Variants in SCMH1 observed in about 807,000 individuals in gnomAD.
The protein encoded by SCMH1 is Scm polycomb group protein homolog 1, also known as polycomb protein SCMH1.
A neutral mutation model predicts 70.8 loss-of-function variants in SCMH1; 37 were observed. The observed-to-expected ratio is 0.52, with a 90% CI of 0.40 to 0.69. The LOEUF is 0.69. Ranked by LOEUF, SCMH1 falls within the 30% of genes least tolerant of loss-of-function variation. SCMH1 has a pLI of 0.00. For synonymous variants in SCMH1, 292 were observed against 307.4 expected, an observed-to-expected ratio of 0.95 and a Z score of 0.52; for missense variants, 607 against 827.3, an observed-to-expected ratio of 0.73 and a Z score of 3.27.
In SCMH1 at chr1:41,193,353, A is replaced by T. The variant is rs543954765; in HGVS notation, c.-117-7103T>A. On this transcript the variant is annotated intron_variant, in intron 1 of 14. Coordinates refer to ENST00000337495, the Ensembl canonical transcript of SCMH1. ...TAAGCCTAGTAGTAACATGTTAAAG[A>T]CACAAAGACAAATAAGTGTAAGTCC... Among the ~76,000 whole-genome samples, 259 of 152,332 alleles carry T rather than the reference A, an allele frequency of 1.7e-3. 1 individual carries two copies. The highest frequency in any genetic ancestry group is 2.6e-3 in the Non-Finnish European group (175 of 68,016).
chr1:41,162,351 G>A (rs551096260), intron 2 of SCMH1, among the ~76,000 whole-genome samples: 8 of 152,270 alleles, frequency 5.3e-5, no homozygotes, highest in East Asian at 1.9e-4. Context: ...AGAAAAGGGC[G>A]GATCCCTGGT....
In SCMH1 at chr1:41,163,640, G is replaced by A. The variant is rs550028285; in HGVS notation, c.14-2208C>T. 5.5e-3 allele frequency among the ~76,000 whole-genome samples: 838 copies of A among 152,330 alleles called. 2 individuals are homozygous for A. The highest frequency in any genetic ancestry group is 0.01 in the Middle Eastern group (3 of 294). Reference sequence around the variant, plus strand: ...AAATATCATGTAATCAACAGAGGGAGAAGCCTCAGAAGCTAAGGAGTGAGG... The same window carrying A: ...AAATATCATGTAATCAACAGAGGGAAAAGCCTCAGAAGCTAAGGAGTGAGG... On this transcript the variant is annotated intron_variant, in intron 2 of 14. Coordinates refer to ENST00000337495, the Ensembl canonical transcript of SCMH1.
intron 1 of SCMH1, among the ~76,000 whole-genome samples, 155 bp from the exon 2 acceptor site, chr1:41,186,405 A>T (rs1221538134): frequency 6.6e-6 from 1 of 152,258 alleles, no homozygotes; most frequent in Non-Finnish European, 1.5e-5. Flanking sequence ...GTTGCAAAGT[A>T]CCTTACAGCA....
At chr1:41,083,579 T>C (rs1466481597) in intron 8 of SCMH1, among the ~76,000 whole-genome samples, 4 of 152,136 alleles carry the variant, frequency 2.6e-5, no homozygotes, top group East Asian at 1.9e-4. Flanking sequence ...CAATGCCATC[T>C]CCAACAAGCT....
At chr1:41,142,831 C>G (rs1401498359) in intron 6 of SCMH1, 47 bp downstream of exon 6, 1 of 1,510,400 alleles carries the variant, frequency 6.6e-7, no homozygotes, top group Non-Finnish European at 9.2e-7. Flanking sequence ...TTTTTGGACG[C>G]TAACTATTAA....
chr1:41,066,837 G>A (rs997259343), intron 10 of SCMH1, among the ~76,000 whole-genome samples: 8 of 152,000 alleles, frequency 5.3e-5, no homozygotes, highest in African/African-American at 1.7e-4. Flanking sequence ...TGATACACCT[G>A]CCTCAGCCTC....
Position 41,028,715 on chromosome 1 carries a change from A to G in SCMH1, c.1690T>C (p.Tyr564His). ...CGAGAGGCATCGCGGCTCTCCAGGT[A>G]TCGGTCCGACCCTGCAGGACAGGAG... Residue 564 changes from tyrosine (Y) to histidine (H), a missense_variant, in exon 14 of 15, where the codon TAC becomes CAC. Tyr to His is a moderately conservative substitution (Grantham distance 83). Transcript: ENST00000337495. 7 of 1,614,038 alleles carry G rather than the reference A, an allele frequency of 4.3e-6. No homozygotes were observed. In the South Asian group the frequency reaches 5.5e-5, roughly 13 times the overall value.
chr1:41,199,458 CTG>C (rs1449862715), intron 1 of SCMH1, among the ~76,000 whole-genome samples: 1 of 152,222 alleles, frequency 6.6e-6, no homozygotes. Flanking sequence ...GAGTCATCCA[CTG>C]TGCTCCTGGT....
chr1:41,226,517 T>C (rs2148877459), intron 1 of SCMH1, among the ~76,000 whole-genome samples: 1 of 152,228 alleles, frequency 6.6e-6, no homozygotes, highest in African/African-American at 2.4e-5. Context: ...AAGGCGAAAG[T>C]AGTCAAGAAA....
At chr1:41,238,649 A>G (rs187709387) in intron 1 of SCMH1, among the ~76,000 whole-genome samples, 269 of 152,188 alleles carry the variant, frequency 1.8e-3, no homozygotes, top group Non-Finnish European at 3.4e-3. Flanking sequence ...CATTCAATAC[A>G]CTAGCCTCCA....
intron 10 of SCMH1, among the ~76,000 whole-genome samples, chr1:41,057,513 G>C (rs1571591928): frequency 6.6e-6 from 1 of 152,068 alleles, no homozygotes; most frequent in Middle Eastern, 3.4e-3. Flanking sequence ...ACCTCCCAAA[G>C]TACTGGGATC....
chr1:41,101,461 G>A (rs1666636649), intron 8 of SCMH1, among the ~76,000 whole-genome samples: 1 of 152,186 alleles, frequency 6.6e-6, no homozygotes, highest in South Asian at 2.1e-4. Flanking sequence ...CTTAACCAAT[G>A]TAACTTTTAG....
chr1:41,032,214 T>A (rs571999807), intron 13 of SCMH1, among the ~76,000 whole-genome samples: 18 of 152,322 alleles, frequency 1.2e-4, no homozygotes, highest in Non-Finnish European at 2.2e-4. Context: ...CCAAATGGAC[T>A]AAGACGACCC....
intron 1 of SCMH1, among the ~76,000 whole-genome samples, chr1:41,200,372 C>T (rs1654034249): frequency 6.6e-6 from 1 of 151,922 alleles, no homozygotes; most frequent in Non-Finnish European, 1.5e-5. Flanking sequence ...CCCAGCTACG[C>T]AGGAGGCTGA....
At chr1:41,083,756 T>C (rs929812417) in intron 8 of SCMH1, among the ~76,000 whole-genome samples, 2 of 152,108 alleles carry the variant, frequency 1.3e-5, no homozygotes, top group African/African-American at 4.8e-5. Context: ...CAAAACAGCA[T>C]GGTACTGGTA....
At chr1:41,183,139 C>G (rs1432598903) in intron 2 of SCMH1, among the ~76,000 whole-genome samples, 2 of 152,212 alleles carry the variant, frequency 1.3e-5, no homozygotes, top group African/African-American at 2.4e-5. Context: ...CCAAATCCAA[C>G]TGGTTATCCA....
At chr1:41,132,491 A>C (rs1642512210) in intron 6 of SCMH1, among the ~76,000 whole-genome samples, 1 of 152,098 alleles carries the variant, frequency 6.6e-6, no homozygotes, top group Non-Finnish European at 1.5e-5. Flanking sequence ...CCTATTCTGT[A>C]GGTTGCCTGT....
Position 41,156,071 on chromosome 1 carries a change from T to G in SCMH1, c.107-4387A>C, listed in dbSNP as rs949424105. ...ACTTCCAGTCATGGGACACTCATTA[T>G]TTAGCTATTTAGCTATTACTCAACA... On this transcript the variant is annotated intron_variant, in intron 4 of 14. Coordinates refer to ENST00000337495, the Ensembl canonical transcript of SCMH1. 3.9e-5 allele frequency among the ~76,000 whole-genome samples: 6 copies of G among 152,162 alleles called. 1 individual carries two copies. Among genetic ancestry groups the G allele is most frequent in the Non-Finnish European group, 2.9e-5 (2 of 68,006 alleles).
At chr1:41,137,575 T>C (rs1643553098) in intron 6 of SCMH1, among the ~76,000 whole-genome samples, 1 of 152,220 alleles carries the variant, frequency 6.6e-6, no homozygotes. Flanking sequence ...TTTGTCTGCA[T>C]CTCTTTCTAA....
Sources: gnomAD v4.1 joint callset for allele counts (sites outside exome capture counted in the v4.1 genomes callset) on GRCh38, gnomAD v4.1.1 for gene constraint, MANE v1.5 for transcripts, NCBI Gene and HGNC (gene_info 2026-07-23, HGNC 2026-07-21) for gene names.